Variants in GRID2 observed in about 807,000 individuals in gnomAD.
GRID2 encodes the protein glutamate ionotropic receptor delta type subunit 2.
Under a neutral mutation model 114.8 loss-of-function variants are expected in GRID2, and 33 were observed. That is an observed-to-expected ratio of 0.29 (90% CI 0.22 to 0.38). The LOEUF is 0.38. GRID2 is among the 10% of genes least tolerant of loss of function. The pLI is 1.00. For missense variants in GRID2, 1,184 were observed against 1,257.7 expected, an observed-to-expected ratio of 0.94 and a Z score of 0.89; for synonymous variants, 505 against 449.9, an observed-to-expected ratio of 1.12 and a Z score of -1.55.
At chr4:92,333,627 A>C (rs772703553) in intron 1 of GRID2, among the ~76,000 whole-genome samples, 15 of 152,106 alleles carry the variant, frequency 9.9e-5, no homozygotes, top group Non-Finnish European at 1.9e-4. Flanking sequence ...TATATCTTTA[A>C]ATAATTTTTC....
At chr4:93,084,127 T>C (rs34829716) in intron 2 of GRID2, among the ~76,000 whole-genome samples, 10,534 of 152,238 alleles carry the variant, frequency 0.069, 505 homozygotes, top group African/African-American at 0.14. Flanking sequence ...TTTTTGAACT[T>C]ATTTTTAATT....
intron 2 of GRID2, among the ~76,000 whole-genome samples, chr4:93,040,463 G>A (rs1240226434): frequency 6.6e-6 from 1 of 152,078 alleles, no homozygotes; most frequent in East Asian, 1.9e-4. Context: ...ATTGTCAGAA[G>A]TATACTGTAA....
intron 4 of GRID2, among the ~76,000 whole-genome samples, chr4:93,121,346 A>C (rs1467534998): frequency 1.3e-5 from 2 of 152,100 alleles, no homozygotes; most frequent in African/African-American, 2.4e-5. Context: ...GATCTCCCCA[A>C]AGGTATCCTG....
At chr4:92,593,929 G>GAA (rs536259659) in intron 2 of GRID2, among the ~76,000 whole-genome samples, 12 of 137,098 alleles carry the variant, frequency 8.8e-5, no homozygotes, top group Non-Finnish European at 1.9e-4. Flanking sequence ...AATACAAAAA[G>GAA]AAAAAAAAAA....
At chr4:93,057,563 A>G (rs557943250) in intron 2 of GRID2, among the ~76,000 whole-genome samples, 1 of 151,974 alleles carries the variant, frequency 6.6e-6, no homozygotes, top group African/African-American at 2.4e-5. Flanking sequence ...CATAAAGTAA[A>G]ACATCTCTAC....
intron 3 of GRID2, among the ~76,000 whole-genome samples, chr4:93,104,722 G>C (rs1385202287): frequency 2.6e-5 from 4 of 152,270 alleles, no homozygotes; most frequent in South Asian, 2.1e-4. Flanking sequence ...GGACATTTGG[G>C]TTGGTTCCAA....
chr4:93,062,628 A>G (rs1253717229), intron 2 of GRID2, among the ~76,000 whole-genome samples: 8 of 152,212 alleles, frequency 5.3e-5, no homozygotes. Context: ...CATACTCAAG[A>G]AAGTGAAACT....
At chr4:93,784,609 C>T (rs1269132841) in intron 1 of GRID2, among the ~76,000 whole-genome samples, 1 of 150,560 alleles carries the variant, frequency 6.6e-6, no homozygotes. Flanking sequence ...TTGATTTATT[C>T]AACAATTGTA....
intron 2 of GRID2, among the ~76,000 whole-genome samples, chr4:92,949,620 T>C (rs1318250715): frequency 6.6e-6 from 1 of 151,428 alleles, no homozygotes; most frequent in African/African-American, 2.4e-5. Context: ...TGATCTAGTA[T>C]GAAAGTGATG....
chr4:92,757,460 G>A (rs982118477), intron 2 of GRID2, among the ~76,000 whole-genome samples: 8 of 152,118 alleles, frequency 5.3e-5, no homozygotes, highest in African/African-American at 1.7e-4. Flanking sequence ...CATCTCAGAT[G>A]TCAGGGGCTG....
At position 93,728,663 on chromosome 4, in the gene GRID2, G is replaced by A. The variant is rs1425710018; in HGVS notation, c.2361-40547G>A. Among the ~76,000 whole-genome samples the A allele has an allele frequency of 2.0e-5, 3 of 152,100 alleles. No individual in the cohort carries two copies. The South Asian group carries it at 6.2e-4, about 31-fold the overall frequency. ...ACTAAGGACTTGCTTTATGAATCTG[G>A]GTGCTCGTGTATTGGGTGCATATAT... On this transcript the variant is annotated intron_variant, in intron 14 of 15. Transcript: ENST00000282020.
chr4:93,012,231 T>C (rs1319789872), intron 2 of GRID2, among the ~76,000 whole-genome samples: 11 of 152,084 alleles, frequency 7.2e-5, no homozygotes, highest in Admixed American at 7.2e-4. Flanking sequence ...GGAACACCAC[T>C]TATTTTTGCA....
rs1161216679 is a variant in GRID2 at position 92,982,022 on chromosome 4, T to TAA, written c.245-102951_245-102950dup. Among the ~76,000 whole-genome samples, 228 of 80,176 alleles carry TAA rather than the reference T, an allele frequency of 2.8e-3. 1 individual carries two copies. The highest frequency in any genetic ancestry group is 0.014 in the East Asian group (44 of 3,072). 52.6% of individuals were successfully genotyped at this position (80,176 alleles called of 152,430 possible). ...GTATCTTCACAGTCTAAAGTACTGGTAAAAAAAAAAAAAAAAAAAAAAAGA... is the reference window on the plus strand; with the variant it reads ...GTATCTTCACAGTCTAAAGTACTGGTAAAAAAAAAAAAAAAAAAAAAAAAAGA... On this transcript the variant is annotated intron_variant, in intron 2 of 15. Coordinates refer to ENST00000282020, the MANE Select transcript of GRID2 (RefSeq NM_001510.4).
chr4:92,534,419 G>A (rs1349013927), intron 1 of GRID2, among the ~76,000 whole-genome samples: 1 of 152,064 alleles, frequency 6.6e-6, no homozygotes, highest in African/African-American at 2.4e-5. Flanking sequence ...ATTATCTTCT[G>A]AAGATAAAAA....
intron 2 of GRID2, among the ~76,000 whole-genome samples, chr4:92,719,683 G>A (rs1242790659): frequency 6.6e-6 from 1 of 152,052 alleles, no homozygotes; most frequent in Non-Finnish European, 1.5e-5. Context: ...CAAAGAGGAC[G>A]TCAAAGATGT....
At chr4:92,408,431 C>CTTTTTTTTTTTTTTTTTTTTTTTT (rs35638036) in intron 1 of GRID2, among the ~76,000 whole-genome samples, 2 of 19,394 alleles carry the variant, frequency 1.0e-4, no homozygotes, top group African/African-American at 1.6e-4. Context: ...TATTCAAGCT[C>CTTTTTTTTTTTTTTTTTTTTTTTT]TTTTTTTTTT....
intron 1 of GRID2, among the ~76,000 whole-genome samples, chr4:92,539,014 C>G (rs1294227147): frequency 6.7e-6 from 1 of 150,032 alleles, no homozygotes; most frequent in Non-Finnish European, 1.5e-5. Context: ...TGCACTCCAG[C>G]CTGGGCGACA....
At chr4:93,404,680 G>A (rs1250264918) in intron 9 of GRID2, among the ~76,000 whole-genome samples, 1 of 152,100 alleles carries the variant, frequency 6.6e-6, no homozygotes. Context: ...TGTTAAGGGA[G>A]AGCATGAAAG....
chr4:93,554,390 CTTAA>C (rs1008638899), intron 13 of GRID2, among the ~76,000 whole-genome samples: 2 of 151,912 alleles, frequency 1.3e-5, no homozygotes, highest in African/African-American at 2.4e-5. Context: ...TCCCTCTGTC[CTTAA>C]TTAAATTGTC....
Sources: gnomAD v4.1 joint callset for allele counts (sites outside exome capture counted in the v4.1 genomes callset) on GRCh38, gnomAD v4.1.1 for gene constraint, MANE v1.5 for transcripts, NCBI Gene and HGNC (gene_info 2026-07-23, HGNC 2026-07-21) for gene names.